The following ASTN2 variants were observed in gnomAD, a reference collection of about 807,000 sequenced individuals.
ASTN2 encodes astrotactin-2.
In ASTN2, 54 loss-of-function variants were observed where a neutral mutation model predicts 139.8. That is an observed-to-expected ratio of 0.39 (90% CI 0.31 to 0.48). ASTN2 has a LOEUF of 0.48. ASTN2 is among the 20% of genes least tolerant of loss of function. The pLI is 0.95. For synonymous variants in ASTN2, 756 were observed against 719.5 expected, an observed-to-expected ratio of 1.05 and a Z score of -0.81; for missense variants, 1,565 against 1,725.1, an observed-to-expected ratio of 0.91 and a Z score of 1.64.
intron 3 of ASTN2, among the ~76,000 whole-genome samples, chr9:117,153,646 A>T (rs1412304283): frequency 6.6e-6 from 1 of 152,156 alleles, no homozygotes; most frequent in African/African-American, 2.4e-5. Flanking sequence ...AGTGGGAACA[A>T]TAAACATGAT....
intron 13 of ASTN2, 28 bp downstream of exon 13, chr9:116,805,604 A>G: frequency 6.2e-7 from 1 of 1,603,368 alleles, no homozygotes; most frequent in Non-Finnish European, 8.5e-7. Context: ...TGACTCAGAC[A>G]AGCAATGTGC....
chr9:116,437,706 C>T (rs757918192), intron 22 of ASTN2: 25 of 413,898 alleles, frequency 6.0e-5, no homozygotes, highest in Non-Finnish European at 1.1e-4. Context: ...GGCAAGATGG[C>T]AGCTGAGATG....
At chr9:116,626,404 C>T (rs969079408) in intron 17 of ASTN2, among the ~76,000 whole-genome samples, 1 of 151,684 alleles carries the variant, frequency 6.6e-6, no homozygotes, top group African/African-American at 2.4e-5. Context: ...TATAAACATA[C>T]TTATATTTAA....
chr9:116,555,718 G>C (rs926350669), intron 19 of ASTN2, among the ~76,000 whole-genome samples: 9 of 151,948 alleles, frequency 5.9e-5, no homozygotes, highest in African/African-American at 1.9e-4. Flanking sequence ...CAATAAATGG[G>C]GTCAGCTGAA....
intron 5 of ASTN2, among the ~76,000 whole-genome samples, chr9:117,080,929 A>G (rs1828410319): frequency 6.6e-6 from 1 of 152,184 alleles, no homozygotes; most frequent in African/African-American, 2.4e-5. Context: ...CCTCTGATGC[A>G]ATTTCTTCAA....
intron 5 of ASTN2, among the ~76,000 whole-genome samples, chr9:117,073,753 G>T (rs557647687): frequency 4.7e-4 from 72 of 152,258 alleles, no homozygotes; most frequent in African/African-American, 1.7e-3. Flanking sequence ...CAATGGGCCT[G>T]GGGGAGCAGG....
At position 117,414,907 on chromosome 9, in the gene ASTN2, C is replaced by CT; in HGVS notation, c.31_32insA (p.Gly11GlufsTer115). 1.6e-6 allele frequency: 1 copy of CT among 641,348 alleles called. No homozygotes were observed. The highest frequency in any genetic ancestry group is 2.0e-6 in the Non-Finnish European group (1 of 487,850). 39.7% of individuals were successfully genotyped at this position (641,348 alleles called of 1,614,324 possible). A position where few individuals can be genotyped will look rare whatever the true frequency, so the allele number is the denominator to read the frequency against. Reference sequence around the variant, plus strand: ...CCGCCCCCGGAGCCCCGAGCCGGGGCCGGGGCTGAGCCGGGCGCCGGCGGC... The same window carrying CT: ...CCGCCCCCGGAGCCCCGAGCCGGGGCTCGGGGCTGAGCCGGGCGCCGGCGGC... On this transcript the variant is annotated frameshift_variant, in exon 1 of 23. Transcript: ENST00000313400. LOFTEE classifies it high-confidence loss of function. The surrounding 1 kb of genome is among the most constrained non-coding windows in gnomAD (Gnocchi z 4.2).
chr9:116,843,628 C>T (rs1331909812), intron 11 of ASTN2, among the ~76,000 whole-genome samples: 4 of 149,138 alleles, frequency 2.7e-5, no homozygotes, highest in Non-Finnish European at 5.9e-5. Flanking sequence ...CATTGCATTC[C>T]AGCCTGGGCA....
intron 3 of ASTN2, among the ~76,000 whole-genome samples, chr9:117,163,480 TC>T (rs1235032692): frequency 6.6e-6 from 1 of 152,122 alleles, no homozygotes; most frequent in Non-Finnish European, 1.5e-5. Context: ...CATGGGCCAT[TC>T]CTGGACAGCA....
At chr9:116,623,979 T>C (rs1421612312) in intron 17 of ASTN2, among the ~76,000 whole-genome samples, 1 of 152,174 alleles carries the variant, frequency 6.6e-6, no homozygotes, top group Non-Finnish European at 1.5e-5. Flanking sequence ...GGAGGCATTA[T>C]TGCCTCCTAG....
intron 1 of ASTN2, among the ~76,000 whole-genome samples, chr9:117,330,398 T>A (rs1005570453): frequency 6.6e-6 from 1 of 152,138 alleles, no homozygotes; most frequent in Non-Finnish European, 1.5e-5. Flanking sequence ...CCGAAGCCCC[T>A]CTCTGGATTG....
intron 2 of ASTN2, among the ~76,000 whole-genome samples, chr9:117,256,777 C>A (rs1309517782): frequency 1.3e-5 from 2 of 152,198 alleles, no homozygotes; most frequent in African/African-American, 4.8e-5. Context: ...GACCCTCTCA[C>A]CTTCTAAATT....
Position 117,096,121 on chromosome 9 carries a change from G to T in ASTN2, c.1199C>A (p.Thr400Lys). The T allele has an allele frequency of 6.2e-7, 1 of 1,614,002 alleles. No homozygotes were observed. The highest frequency in any genetic ancestry group is 8.5e-7 in the Non-Finnish European group (1 of 1,179,970). ...TTCATCGTCTGCCTCTGAGCCCGAC[G>T]TCCCCTTGGCTCTCCCAAAGCTGAT... ...GGISFGRAKG[T>K]SGSEADDETQ... The change falls in exon 5 of 23, where the codon ACG (threonine) becomes AAG (lysine). Residue 400 changes from threonine (T) to lysine (K), a missense_variant. By Grantham distance (78) the Thr-to-Lys change is moderately conservative. Transcript: ENST00000313400.
intron 9 of ASTN2, 113 bp from the exon 10 acceptor site, chr9:116,975,458 TC>T: frequency 9.5e-7 from 1 of 1,049,884 alleles, no homozygotes; most frequent in Non-Finnish European, 1.3e-6. Context: ...TCCATCCATA[TC>T]CCCAGCATTA....
At chr9:116,428,595 C>T (rs1291554158) in intron 22 of ASTN2, among the ~76,000 whole-genome samples, 1 of 151,930 alleles carries the variant, frequency 6.6e-6, no homozygotes, top group Middle Eastern at 3.4e-3. Context: ...TTTATGGCTA[C>T]AATACAGTGT....
At chr9:116,924,429 C>CAAAAAAA in intron 10 of ASTN2, among the ~76,000 whole-genome samples, 1 of 55,010 alleles carries the variant, frequency 1.8e-5, no homozygotes. Flanking sequence ...GACTTCATCT[C>CAAAAAAA]AAAAAAAAAA....
chr9:116,424,965 G>C lies in ASTN2; in HGVS notation c.*886C>G, dbSNP rs1847265822. On this transcript the variant is annotated 3_prime_UTR_variant, in exon 23 of 23. Transcript: ENST00000313400. Reference sequence around the variant, plus strand: ...TTGGGTTTAGGTATCACTTTTTCAAGGAAGCATTTCAGGAGCCCTCCAGTG... The same window carrying C: ...TTGGGTTTAGGTATCACTTTTTCAACGAAGCATTTCAGGAGCCCTCCAGTG... Among the ~76,000 whole-genome samples, 1 of 152,070 alleles carries C rather than the reference G, an allele frequency of 6.6e-6. No homozygotes were observed. The highest frequency in any genetic ancestry group is 1.5e-5 in the Non-Finnish European group (1 of 68,024).
At chr9:117,238,919 T>C (rs945955370) in intron 2 of ASTN2, among the ~76,000 whole-genome samples, 9 of 152,196 alleles carry the variant, frequency 5.9e-5, no homozygotes, top group African/African-American at 1.9e-4. Context: ...TAATGCTCTG[T>C]TTACATGCAG....
chr9:117,328,109 G>A (rs576628521), intron 1 of ASTN2, among the ~76,000 whole-genome samples: 3 of 152,256 alleles, frequency 2.0e-5, no homozygotes, highest in South Asian at 2.1e-4. Flanking sequence ...TTTCATTCTC[G>A]AGTCCTTGCA....
Sources: allele counts gnomAD v4.1 joint callset (sites outside exome capture counted in the v4.1 genomes callset), GRCh38; gene constraint gnomAD v4.1.1; non-coding constraint Gnocchi (gnomAD v3.1); transcripts MANE v1.5; gene names NCBI Gene and HGNC (gene_info 2026-07-23, HGNC 2026-07-21).